Variants in KCNN2 observed in about 807,000 individuals in gnomAD.
KCNN2 encodes the protein small conductance calcium-activated potassium channel protein 2.
A neutral mutation model predicts 55.5 loss-of-function variants in KCNN2; 24 were observed. The ratio of observed to expected loss-of-function variants is 0.43; its 90% CI spans 0.31 to 0.61. The LOEUF (loss-of-function observed/expected upper bound fraction) is 0.61, where lower values mean the gene tolerates loss of function less well. Ranked by LOEUF, KCNN2 falls within the 20% of genes least tolerant of loss-of-function variation. The pLI is 0.08. For missense variants in KCNN2, 754 were observed against 853.6 expected (o/e 0.88, Z 1.45); for synonymous variants, 431 against 336.1 (o/e 1.28, Z -3.09).
chr5:114,492,247 C>A (rs1035515220), intron 6 of KCNN2, among the ~76,000 whole-genome samples: 6 of 152,078 alleles, frequency 3.9e-5, no homozygotes, highest in Admixed American at 3.9e-4. Context: ...ACAAAATCTC[C>A]CTGGCAGTAA....
At chr5:114,127,427 C>T (rs1022138761) in intron 1 of KCNN2, among the ~76,000 whole-genome samples, 2 of 152,212 alleles carry the variant, frequency 1.3e-5, no homozygotes, top group Non-Finnish European at 2.9e-5. Context: ...CTTGCACCCT[C>T]TGAAGCCATG....
intron 2 of KCNN2, among the ~76,000 whole-genome samples, chr5:114,403,062 C>T (rs1758833838): frequency 6.6e-6 from 1 of 152,134 alleles, no homozygotes; most frequent in Non-Finnish European, 1.5e-5. Flanking sequence ...AGCAGTATAT[C>T]GGAGTGATAC....
In KCNN2 at chr5:114,383,794, C is replaced by T. The variant is rs545203887; in HGVS notation, c.1218+19793C>T. Among the ~76,000 whole-genome samples the T allele has an allele frequency of 3.2e-3, 486 of 152,176 alleles. 2 individuals carry two copies. The highest frequency in any genetic ancestry group is 5.5e-3 in the Non-Finnish European group (372 of 68,002). On this transcript the variant is annotated intron_variant, in intron 2 of 7. Transcript: ENST00000673685. ...ACTTAATGCTTTTAAATGCATGTGG[C>T]ACAGGAACAAAGGCCACCAACATGA...
At chr5:114,440,047 A>C (rs1477784657) in intron 3 of KCNN2, among the ~76,000 whole-genome samples, 1 of 152,134 alleles carries the variant, frequency 6.6e-6, no homozygotes, top group Non-Finnish European at 1.5e-5. Context: ...GACATAAGAC[A>C]TAAGCCTCCC....
chr5:114,333,151 A>G (rs950183499), intron 2 of KCNN2, among the ~76,000 whole-genome samples: 1 of 152,240 alleles, frequency 6.6e-6, no homozygotes, highest in African/African-American at 2.4e-5. Context: ...AAGTGAAATA[A>G]TTGTTTATTT....
chr5:114,254,362 G>A (rs2150001484), intron 2 of KCNN2, among the ~76,000 whole-genome samples: 1 of 152,276 alleles, frequency 6.6e-6, no homozygotes, highest in East Asian at 1.9e-4. Context: ...GCACAGATTA[G>A]AAATGTTTAT....
chr5:114,119,447 A>G (rs1751783335), intron 1 of KCNN2, among the ~76,000 whole-genome samples: 1 of 152,180 alleles, frequency 6.6e-6, no homozygotes, highest in Admixed American at 6.5e-5. Flanking sequence ...ACATGAATTT[A>G]TGCACACCAG....
chr5:114,319,990 T>C (rs1253620791), intron 2 of KCNN2, among the ~76,000 whole-genome samples: 1 of 152,212 alleles, frequency 6.6e-6, no homozygotes, highest in African/African-American at 2.4e-5. Context: ...TCTGTTTCAC[T>C]TCCTTGAAGC....
At chr5:114,267,836 C>A (rs536326062) in intron 2 of KCNN2, among the ~76,000 whole-genome samples, 1 of 152,098 alleles carries the variant, frequency 6.6e-6, no homozygotes, top group Admixed American at 6.5e-5. Flanking sequence ...TTAATTCAGG[C>A]ATTTGTTTCT....
intron 2 of KCNN2, among the ~76,000 whole-genome samples, chr5:114,233,204 G>A (rs918211157): frequency 5.3e-5 from 8 of 151,904 alleles, no homozygotes; most frequent in Non-Finnish European, 4.4e-5. Context: ...ACAGGCGTGA[G>A]CCACCGCGCC....
intron 4 of KCNN2, among the ~76,000 whole-genome samples, chr5:114,472,206 C>A (rs1443530098): frequency 6.6e-6 from 1 of 151,066 alleles, no homozygotes; most frequent in East Asian, 2.0e-4. Flanking sequence ...TTGCCTGGAC[C>A]CTCCAATCGG....
At chr5:114,235,006 G>A (rs1580645748) in intron 2 of KCNN2, among the ~76,000 whole-genome samples, 1 of 152,258 alleles carries the variant, frequency 6.6e-6, no homozygotes, top group Middle Eastern at 3.4e-3. Flanking sequence ...TGCTTTAACA[G>A]TTTCACAGTT....
chr5:114,270,757 T>C (rs1050487704), intron 2 of KCNN2, among the ~76,000 whole-genome samples: 3 of 152,178 alleles, frequency 2.0e-5, no homozygotes, highest in Non-Finnish European at 4.4e-5. Context: ...TTCTGGTGGG[T>C]TCTTGGTCTT....
chr5:114,386,441 A>G (rs1400723273), intron 2 of KCNN2, among the ~76,000 whole-genome samples: 1 of 152,202 alleles, frequency 6.6e-6, no homozygotes, highest in African/African-American at 2.4e-5. Flanking sequence ...TTTATAATGG[A>G]TATAACCAGT....
intron 3 of KCNN2, among the ~76,000 whole-genome samples, chr5:114,406,687 TGAA>T (rs1022737976): frequency 1.3e-5 from 2 of 152,186 alleles, no homozygotes; most frequent in African/African-American, 2.4e-5. Flanking sequence ...AACTTCACCT[TGAA>T]GAAATGACTC....
chr5:114,143,064 G>T (rs903210621), intron 1 of KCNN2, among the ~76,000 whole-genome samples: 1 of 152,052 alleles, frequency 6.6e-6, no homozygotes, highest in Non-Finnish European at 1.5e-5. Flanking sequence ...TGAAAGCTGG[G>T]TCCAGGGGGG....
chr5:114,239,667 A>T (rs1307482352), intron 2 of KCNN2, among the ~76,000 whole-genome samples: 1 of 152,070 alleles, frequency 6.6e-6, no homozygotes, highest in East Asian at 1.9e-4. Context: ...TCCAGTGGTT[A>T]CTCACATTCA....
chr5:114,119,584 C>CT (rs758851061), intron 1 of KCNN2, among the ~76,000 whole-genome samples: 20 of 152,264 alleles, frequency 1.3e-4, no homozygotes, highest in Middle Eastern at 3.4e-3. Flanking sequence ...GTTCTCTCCT[C>CT]TATACCCTGA....
intron 2 of KCNN2, among the ~76,000 whole-genome samples, chr5:114,288,221 A>AT (rs1406482014): frequency 6.6e-6 from 1 of 152,310 alleles, no homozygotes; most frequent in Middle Eastern, 3.4e-3. Flanking sequence ...TTCTGTGTAT[A>AT]TACCACAATT....
Sources: gnomAD v4.1 joint callset for allele counts (sites outside exome capture counted in the v4.1 genomes callset) on GRCh38, gnomAD v4.1.1 for gene constraint, MANE v1.5 for transcripts, NCBI Gene and HGNC (gene_info 2026-07-23, HGNC 2026-07-21) for gene names.